Variants in AHCY observed in about 807,000 individuals in gnomAD.
AHCY encodes adenosylhomocysteinase, also known as S-adenosyl-L-homocysteine hydrolase.
A neutral mutation model predicts 45.4 loss-of-function variants in AHCY; 24 were observed. The ratio of observed to expected loss-of-function variants is 0.53; its 90% CI spans 0.38 to 0.74. The LOEUF is 0.74. Among genes scored for constraint, AHCY ranks in the 30% least tolerant of loss-of-function variants. The pLI is 0.00. For missense variants in AHCY, 449 were observed against 594.1 expected (o/e 0.76, Z 2.54); for synonymous variants, 245 against 235.1 (o/e 1.04, Z -0.39).
downstream of AHCY, among the ~76,000 whole-genome samples, chr20:34,279,420 A>G (rs1285530811): frequency 6.7e-6 from 1 of 149,998 alleles, no homozygotes; most frequent in African/African-American, 2.5e-5. Context: ...GAGACTGTCT[A>G]GAAAAAAAAA....
intron 2 of AHCY, 80 bp from the exon 3 acceptor site, chr20:34,294,236 G>A (rs1187087612): frequency 1.5e-6 from 2 of 1,303,066 alleles, no homozygotes; most frequent in Non-Finnish European, 2.2e-6. Flanking sequence ...AAAAGGGAGA[G>A]CTTCGGGTAG....
At chr20:34,236,951 G>A in the AHCY span, among the ~76,000 whole-genome samples, 362 of 151,962 alleles carry the variant, frequency 2.4e-3, 1 homozygote, top group African/African-American at 8.4e-3. Flanking sequence ...AGTACCATTT[G>A]TTGAAAAAAA....
chr20:34,257,365 G>A, the AHCY span, among the ~76,000 whole-genome samples: 9 of 152,116 alleles, frequency 5.9e-5, no homozygotes, highest in African/African-American at 9.7e-5. Context: ...GATTATAGGC[G>A]TGAGCCACCA....
At chr20:34,261,362 C>T in the AHCY span, among the ~76,000 whole-genome samples, 2 of 151,982 alleles carry the variant, frequency 1.3e-5, no homozygotes, top group Non-Finnish European at 2.9e-5. Flanking sequence ...TAGCAAGGCA[C>T]GTGGCATGCA....
In AHCY at chr20:34,290,961, G is replaced by A. The variant is rs2036366569; in HGVS notation, c.559-23C>T. ...GCTCTGAAAGGAAAGGGGGTAAGGA[G>A]ACAATAGGGGCAGGCAAGGCCCTGG... is the stretch of plus-strand genomic sequence containing the variant. On this transcript the variant is annotated intron_variant, in intron 5 of 9. Coordinates refer to ENST00000217426, the MANE Select transcript of AHCY (RefSeq NM_000687.4). The surrounding 1 kb of genome is among the most constrained non-coding windows in gnomAD (Gnocchi z 4.5). 1.2e-6 allele frequency: 2 copies of A among 1,612,448 alleles called. No individual in the cohort carries two copies. Among genetic ancestry groups the A allele is most frequent in the African/African-American group, 1.3e-5 (1 of 74,874 alleles).
intron 8 of AHCY, among the ~76,000 whole-genome samples, chr20:34,286,834 C>CAAAA (rs71194603): frequency 7.4e-5 from 4 of 53,722 alleles, no homozygotes; most frequent in Non-Finnish European, 1.1e-4. Flanking sequence ...AACTCCGTCT[C>CAAAA]AAAAAAAAAA....
chr20:34,264,316 C>G, the AHCY span, among the ~76,000 whole-genome samples: 368 of 152,268 alleles, frequency 2.4e-3, 2 homozygotes, highest in East Asian at 0.027. Flanking sequence ...GTTGCCATTG[C>G]GGCATGCTCA....
the AHCY span, among the ~76,000 whole-genome samples, chr20:34,273,511 G>A: frequency 1.3e-5 from 2 of 152,120 alleles, no homozygotes; most frequent in African/African-American, 2.4e-5. Context: ...GATAACAGGC[G>A]TGAGCCGCTG....
At chr20:34,273,059 C>T in the AHCY span, among the ~76,000 whole-genome samples, 2 of 152,168 alleles carry the variant, frequency 1.3e-5, no homozygotes, top group African/African-American at 2.4e-5. Flanking sequence ...GAAGCCTGTC[C>T]TCTTGGGTTT....
chr20:34,265,037 C>T, the AHCY span, among the ~76,000 whole-genome samples: 16 of 152,184 alleles, frequency 1.1e-4, no homozygotes, highest in African/African-American at 3.6e-4. Context: ...TTCAGGCAAT[C>T]CGCTGCTTCT....
At chr20:34,309,790 T>C (rs374593304) in intron 1 of AHCY, among the ~76,000 whole-genome samples, 1 of 144,442 alleles carries the variant, frequency 6.9e-6, no homozygotes. Flanking sequence ...TCAAAATAAA[T>C]AAGTGAATTA....
chr20:34,242,012 T>C, the AHCY span, among the ~76,000 whole-genome samples: 16 of 152,144 alleles, frequency 1.1e-4, 1 homozygote, highest in Admixed American at 1.0e-3. Flanking sequence ...TCTGAATGGA[T>C]ATCCATATTC....
intron 9 of AHCY, among the ~76,000 whole-genome samples, chr20:34,283,832 G>A (rs1266877022): frequency 6.6e-6 from 1 of 152,186 alleles, no homozygotes; most frequent in East Asian, 1.9e-4. Flanking sequence ...CTCTTCCTGC[G>A]TCTTCCTCAA....
rs147385277 is a variant in AHCY, at chr20:34,281,123, C to T, written c.1210G>A (p.Val404Met). ...VAEAHLGKLNVKLTKLTEKQA... is the reference protein window; with the variant it reads ...VAEAHLGKLNMKLTKLTEKQA... ...TTCTCAGTTAGCTTGGTCAACTTCA[C>T]ATTCAGCTTGCCCAGGTGGGCTTCA... is the stretch of plus-strand genomic sequence containing the variant. Residue 404 changes from valine to methionine, a missense_variant, in exon 10 of 10, where the codon GTG (valine) becomes ATG (methionine). Transcript: ENST00000217426. 1.2e-4 allele frequency: 190 copies of T among 1,613,862 alleles called. No individual in the cohort carries two copies. Among genetic ancestry groups the T allele is most frequent in the Non-Finnish European group, 1.6e-4 (186 of 1,180,050 alleles).
chr20:34,275,172 A>C, the AHCY span, among the ~76,000 whole-genome samples: 1 of 135,440 alleles, frequency 7.4e-6, no homozygotes. Context: ...TCGCTCTGTC[A>C]CCCAGGCTGG....
intron 3 of AHCY, 154 bp downstream of exon 3, chr20:34,293,927 G>T: frequency 1.3e-6 from 1 of 772,440 alleles, no homozygotes; most frequent in Non-Finnish European, 2.3e-6. Flanking sequence ...GGACAAAGCA[G>T]CTCTTTCCTG....
At chr20:34,249,305 C>T in the AHCY span, among the ~76,000 whole-genome samples, 3 of 151,740 alleles carry the variant, frequency 2.0e-5, no homozygotes, top group Non-Finnish European at 4.4e-5. Flanking sequence ...TTCCCATCCC[C>T]CGCCCCCAAT....
the AHCY span, among the ~76,000 whole-genome samples, chr20:34,240,044 A>C: frequency 3.3e-5 from 5 of 152,238 alleles, no homozygotes; most frequent in African/African-American, 1.2e-4. Context: ...GGTGGTCTTC[A>C]GTGTGTCTGA....
the AHCY span, among the ~76,000 whole-genome samples, chr20:34,243,421 A>G: frequency 1.3e-5 from 2 of 152,148 alleles, no homozygotes; most frequent in African/African-American, 4.8e-5. Flanking sequence ...GATACAGCCC[A>G]AGAGATCAAA....
Sources: allele counts gnomAD v4.1 joint callset (sites outside exome capture counted in the v4.1 genomes callset), GRCh38; gene constraint gnomAD v4.1.1; non-coding constraint Gnocchi (gnomAD v3.1); transcripts MANE v1.5; gene names NCBI Gene and HGNC (gene_info 2026-07-23, HGNC 2026-07-21).